Variants in NAA25 observed in about 807,000 individuals in gnomAD.
NAA25 encodes N-alpha-acetyltransferase 25, NatB auxiliary subunit, also known as N-terminal acetyltransferase B complex subunit NAA25.
NAA25 carries 30 observed loss-of-function variants against 132.5 expected under a neutral mutation model. The ratio of observed to expected loss-of-function variants is 0.23; its 90% confidence interval spans 0.17 to 0.31. The LOEUF is 0.31. NAA25 is among the 10% of genes least tolerant of loss of function. The pLI, the probability that NAA25 is intolerant of heterozygous loss-of-function variation, is 1.00. For synonymous variants in NAA25, 359 were observed against 401.9 expected (o/e 0.89, Z 1.28); for missense variants, 771 against 1,150.4 (o/e 0.67, Z 4.77).
chr12:112,080,787 C>T (rs1461543857), intron 5 of NAA25, among the ~76,000 whole-genome samples: 2 of 152,088 alleles, frequency 1.3e-5, no homozygotes, highest in Non-Finnish European at 2.9e-5. Flanking sequence ...GCGTGAGCCA[C>T]CACACCTGAC....
intron 13 of NAA25, 72 bp from the exon 14 acceptor site, chr12:112,054,640 A>T: frequency 7.3e-7 from 1 of 1,363,686 alleles, no homozygotes; most frequent in Non-Finnish European, 1.0e-6. Context: ...AAAAAACAAA[A>T]CCTTATTGAC....
chr12:112,089,007 T>C (rs982790962), intron 3 of NAA25, among the ~76,000 whole-genome samples: 1 of 152,132 alleles, frequency 6.6e-6, no homozygotes, highest in Non-Finnish European at 1.5e-5. Context: ...TGATTTTTTT[T>C]AAAACACTGG....
At chr12:112,078,364 T>G in intron 6 of NAA25, 98 bp from the exon 7 acceptor site, 1 of 884,842 alleles carries the variant, frequency 1.1e-6, no homozygotes, top group Admixed American at 2.4e-5. Context: ...ATAGAGCATG[T>G]CTTCAAATGA....
chr12:112,056,379 T>G (rs1315972458), intron 13 of NAA25, among the ~76,000 whole-genome samples: 1 of 151,234 alleles, frequency 6.6e-6, no homozygotes, highest in Non-Finnish European at 1.5e-5. Flanking sequence ...TAAAAAAATT[T>G]AAAATTAACT....
rs1200067817 is a variant in NAA25, at chr12:112,075,799, A to G, written c.665-10T>C. 3.7e-6 allele frequency: 6 copies of G among 1,607,046 alleles called. No individual in the cohort carries two copies. The African/African-American group carries it at 6.7e-5, about 18-fold the overall frequency. On this transcript the variant is annotated splice_polypyrimidine_tract_variant and intron_variant, in intron 7 of 23. Transcript: ENST00000261745. ...TCACTTGTCAACTTCTCTAAAATCAAAAGTTATAAAAGTTGGTAAGCTGGT... is the reference window on the plus strand; with the variant it reads ...TCACTTGTCAACTTCTCTAAAATCAGAAGTTATAAAAGTTGGTAAGCTGGT...
intron 6 of NAA25, 90 bp downstream of exon 6, chr12:112,078,544 G>T: frequency 1.7e-6 from 2 of 1,209,356 alleles, no homozygotes; most frequent in Non-Finnish European, 2.4e-6. Context: ...CTATCAAACT[G>T]GAACAAAACA....
intron 11 of NAA25, among the ~76,000 whole-genome samples, chr12:112,068,190 C>T (rs1319792130): frequency 1.3e-5 from 2 of 152,116 alleles, no homozygotes; most frequent in Non-Finnish European, 2.9e-5. Flanking sequence ...CAGGCACGTG[C>T]CACCGTACCT....
At chr12:112,061,779 A>T (rs941142) in intron 11 of NAA25, among the ~76,000 whole-genome samples, 10,792 of 152,256 alleles carry the variant, frequency 0.071, 1,482 homozygotes, top group East Asian at 0.61. Context: ...TTAAAAAAAA[A>T]TTAATCTGTA....
At chr12:112,096,975 T>C (rs149404172) in intron 1 of NAA25, among the ~76,000 whole-genome samples, 156 of 152,276 alleles carry the variant, frequency 1.0e-3, no homozygotes, top group African/African-American at 3.5e-3. Flanking sequence ...TTCCCCTCTG[T>C]AGTTGACGAG....
chr12:112,089,471 T>C (rs1233550936), intron 3 of NAA25, among the ~76,000 whole-genome samples: 2 of 152,156 alleles, frequency 1.3e-5, no homozygotes, highest in Non-Finnish European at 2.9e-5. Flanking sequence ...CCCAGTGAAA[T>C]ATTTTGTGGT....
At chr12:112,093,750 T>C (rs965080354) in intron 1 of NAA25, among the ~76,000 whole-genome samples, 11 of 152,008 alleles carry the variant, frequency 7.2e-5, no homozygotes, top group Admixed American at 3.3e-4. Context: ...CATGTTGCCA[T>C]GCACCTGTAA....
chr12:112,077,472 C>CA (rs566503271), intron 7 of NAA25, among the ~76,000 whole-genome samples: 5,930 of 133,564 alleles, frequency 0.044, 270 homozygotes, highest in African/African-American at 0.12. Flanking sequence ...ACTCTGTCTC[C>CA]AAAAAAAAAA....
chr12:112,078,592 G>A (rs1460946983), intron 6 of NAA25, 42 bp downstream of exon 6: 1 of 1,509,446 alleles, frequency 6.6e-7, no homozygotes, highest in South Asian at 1.1e-5. Flanking sequence ...TGTAGCACTA[G>A]CAAAAAAATG....
At chr12:112,087,828 G>A (rs2079076706) in intron 3 of NAA25, 27 bp from the exon 4 acceptor site, 1 of 1,440,622 alleles carries the variant, frequency 6.9e-7, no homozygotes, top group Non-Finnish European at 9.8e-7. Flanking sequence ...TAAGATTTAA[G>A]TTATACTTCA....
intron 4 of NAA25, among the ~76,000 whole-genome samples, chr12:112,086,035 A>T (rs1566027363): frequency 1.5e-4 from 12 of 78,570 alleles, no homozygotes; most frequent in African/African-American, 8.1e-4. Flanking sequence ...AAAAAAAAAA[A>T]AAAAAAAAAA....
intron 1 of NAA25, among the ~76,000 whole-genome samples, chr12:112,098,570 C>A (rs554037920): frequency 7.8e-4 from 118 of 152,216 alleles, no homozygotes; most frequent in African/African-American, 2.7e-3. Flanking sequence ...TGTAGTTTGG[C>A]CATGAGGAAT....
chr12:112,084,070 T>A (rs760710342), intron 4 of NAA25, among the ~76,000 whole-genome samples: 2 of 152,196 alleles, frequency 1.3e-5, no homozygotes, highest in African/African-American at 4.8e-5. Context: ...TGAAACAAAA[T>A]TTTTGATGAC....
rs1351860043 is a variant in NAA25 at position 112,027,187 on chromosome 12, A to G, written c.*2344T>C. Reference sequence around the variant, plus strand: ...ATATCAGTTTACCACACAAAAACAAACAAAACAAAAAAACCCATACAAATC... The same window carrying G: ...ATATCAGTTTACCACACAAAAACAAGCAAAACAAAAAAACCCATACAAATC... On this transcript the variant is annotated 3_prime_UTR_variant, in exon 24 of 24. Coordinates refer to ENST00000261745, the MANE Select transcript of NAA25 (RefSeq NM_024953.4). 1 of 152,508 alleles carries G rather than the reference A, an allele frequency of 6.6e-6. No homozygotes were observed. Among genetic ancestry groups the G allele is most frequent in the Non-Finnish European group, 1.5e-5 (1 of 68,014 alleles). The allele number at this position is 152,508 out of a possible 1,614,324, so 9.4% of individuals were successfully genotyped here.
chr12:112,066,841 A>G (rs991472529), intron 11 of NAA25, among the ~76,000 whole-genome samples: 2 of 152,176 alleles, frequency 1.3e-5, no homozygotes, highest in African/African-American at 4.8e-5. Flanking sequence ...AAGTCTGCCA[A>G]AGTACTGAAC....
Sources: allele counts gnomAD v4.1 joint callset (sites outside exome capture counted in the v4.1 genomes callset), GRCh38; gene constraint gnomAD v4.1.1; transcripts MANE v1.5; gene names NCBI Gene and HGNC (gene_info 2026-07-23, HGNC 2026-07-21).